The following CEP112 variants were observed in gnomAD, a reference collection of about 807,000 sequenced individuals.
CEP112 encodes the protein centrosomal protein 112.
A neutral mutation model predicts 153.0 loss-of-function variants in CEP112; 127 were observed. That is an observed-to-expected ratio of 0.83 (90% CI 0.72 to 0.96). The LOEUF (loss-of-function observed/expected upper bound fraction) is 0.96. Ranked by LOEUF, CEP112 falls within the 40% of genes least tolerant of loss-of-function variation. The pLI is 0.00. For synonymous variants in CEP112, 358 were observed against 374.4 expected, an observed-to-expected ratio of 0.96 and a Z score of 0.51; for missense variants, 1,089 against 1,101.2, an observed-to-expected ratio of 0.99 and a Z score of 0.16.
At chr17:66,024,602 G>A (rs2065124951) in intron 16 of CEP112, among the ~76,000 whole-genome samples, 1 of 151,688 alleles carries the variant, frequency 6.6e-6, no homozygotes, top group African/African-American at 2.4e-5. Flanking sequence ...TTTAACCAAG[G>A]AGGTAAAAGG....
chr17:65,877,807 T>G (rs543010638), intron 20 of CEP112, among the ~76,000 whole-genome samples: 1 of 152,306 alleles, frequency 6.6e-6, no homozygotes, highest in East Asian at 1.9e-4. Flanking sequence ...TTAGTAGGCA[T>G]GAAATTATGT....
chr17:65,851,808 T>G lies in CEP112; in HGVS notation c.2390A>C (p.Glu797Ala), dbSNP rs2057940920. 6.2e-7 allele frequency: 1 copy of G among 1,608,666 alleles called. No homozygotes were observed. The highest frequency in any genetic ancestry group is 8.5e-7 in the Non-Finnish European group (1 of 1,177,300). ...THAAETEMTL[E>A]KANSKLKQIE... ...AAAACTAGTTAAATATCTTACCTTTTCCAGTGTCATCTCTGTCTCAGCAGC... is the reference window on the plus strand; with the variant it reads ...AAAACTAGTTAAATATCTTACCTTTGCCAGTGTCATCTCTGTCTCAGCAGC... The change falls in exon 21 of 27, where the codon GAA (glutamate) becomes GCA (alanine). Residue 797 changes from glutamate (E) to alanine (A), a missense_variant. Glu to Ala is a moderately radical substitution (Grantham distance 107, BLOSUM62 -1). Transcript: ENST00000535342.
chr17:66,107,917 C>T (rs1299328892), intron 6 of CEP112, among the ~76,000 whole-genome samples: 1 of 151,984 alleles, frequency 6.6e-6, no homozygotes, highest in Non-Finnish European at 1.5e-5. Context: ...CTACAGTAAC[C>T]AAAACAGCAT....
At chr17:66,060,589 G>GA (rs1237413298) in intron 11 of CEP112, among the ~76,000 whole-genome samples, 14 of 151,628 alleles carry the variant, frequency 9.2e-5, no homozygotes, top group Middle Eastern at 3.2e-3. Flanking sequence ...GAAGCACCCA[G>GA]AAAAAAAATC....
intron 12 of CEP112, among the ~76,000 whole-genome samples, chr17:66,032,069 T>A (rs1287935520): frequency 6.6e-6 from 1 of 152,182 alleles, no homozygotes; most frequent in Non-Finnish European, 1.5e-5. Context: ...AGGCTGGATC[T>A]CGGCTCACTG....
chr17:65,975,889 T>C (rs1161557250), intron 17 of CEP112, among the ~76,000 whole-genome samples: 1 of 152,186 alleles, frequency 6.6e-6, no homozygotes, highest in East Asian at 1.9e-4. Context: ...AAAAAACCCA[T>C]ACCTATCGTA....
intron 17 of CEP112, among the ~76,000 whole-genome samples, chr17:66,000,783 A>G (rs1030373757): frequency 1.1e-4 from 16 of 152,188 alleles, no homozygotes; most frequent in African/African-American, 3.9e-4. Flanking sequence ...AAGCCTGAAC[A>G]TGTCATTGGT....
At chr17:65,645,603 T>G (rs1344460699) in intron 24 of CEP112, among the ~76,000 whole-genome samples, 1 of 152,216 alleles carries the variant, frequency 6.6e-6, no homozygotes, top group Non-Finnish European at 1.5e-5. Flanking sequence ...GTCTCTTCTT[T>G]TTTCTATTTC....
intron 9 of CEP112, 111 bp from the exon 10 acceptor site, chr17:66,066,988 A>G: frequency 1.6e-6 from 1 of 626,404 alleles, no homozygotes; most frequent in Non-Finnish European, 2.5e-6. Flanking sequence ...AGTGATTTTA[A>G]CAAATATGAC....
At chr17:66,011,018 G>C (rs531510768) in intron 16 of CEP112, among the ~76,000 whole-genome samples, 2 of 152,200 alleles carry the variant, frequency 1.3e-5, no homozygotes, top group Admixed American at 6.5e-5. Context: ...TTTTGGAACA[G>C]CTTCAGTAGG....
At chr17:65,754,278 A>G (rs554777535) in intron 21 of CEP112, among the ~76,000 whole-genome samples, 1 of 152,348 alleles carries the variant, frequency 6.6e-6, no homozygotes, top group Non-Finnish European at 1.5e-5. Context: ...GAACCCATGC[A>G]AAGGCCCTGA....
chr17:66,102,725 G>C (rs761658338), intron 6 of CEP112, among the ~76,000 whole-genome samples: 1 of 149,624 alleles, frequency 6.7e-6, no homozygotes, highest in Non-Finnish European at 1.5e-5. Flanking sequence ...ATGAACCTGG[G>C]AGGCAGAGCT....
chr17:65,950,131 C>A (rs1268185751), intron 18 of CEP112, among the ~76,000 whole-genome samples: 1 of 152,140 alleles, frequency 6.6e-6, no homozygotes, highest in Non-Finnish European at 1.5e-5. Context: ...AGCAGAAATG[C>A]ATGTCACTAC....
intron 20 of CEP112, among the ~76,000 whole-genome samples, chr17:65,896,410 A>C (rs1383985943): frequency 6.6e-6 from 1 of 152,018 alleles, no homozygotes; most frequent in South Asian, 2.1e-4. Flanking sequence ...GAACTTTAGA[A>C]TTATAATAGA....
At chr17:65,794,653 T>C (rs2054796033) in intron 21 of CEP112, among the ~76,000 whole-genome samples, 1 of 152,180 alleles carries the variant, frequency 6.6e-6, no homozygotes, top group Non-Finnish European at 1.5e-5. Flanking sequence ...ACTCCATCAT[T>C]TTCTCCTTCG....
At chr17:66,049,611 C>T (rs762039819) in intron 12 of CEP112, among the ~76,000 whole-genome samples, 24 of 152,002 alleles carry the variant, frequency 1.6e-4, no homozygotes, top group Non-Finnish European at 2.6e-4. Flanking sequence ...TCAGCTGGGC[C>T]ATGGTGGCAC....
intron 16 of CEP112, among the ~76,000 whole-genome samples, chr17:66,019,090 A>G (rs188047239): frequency 3.3e-4 from 51 of 152,324 alleles, no homozygotes; most frequent in African/African-American, 1.2e-3. Context: ...AGAGATCAAT[A>G]AAGACCATTA....
At chr17:66,174,889 T>C (rs1489410017) in intron 4 of CEP112, among the ~76,000 whole-genome samples, 155 bp downstream of exon 4, 1 of 151,894 alleles carries the variant, frequency 6.6e-6, no homozygotes, top group Non-Finnish European at 1.5e-5. Flanking sequence ...AGGTATCTAT[T>C]AAATGGCTAA....
intron 8 of CEP112, among the ~76,000 whole-genome samples, chr17:66,091,308 CA>C (rs1467166077): frequency 3.3e-5 from 5 of 152,052 alleles, no homozygotes; most frequent in Non-Finnish European, 4.4e-5. Flanking sequence ...AAGAAATCTT[CA>C]CAAATTTAAG....
Sources: gnomAD v4.1 joint callset for allele counts (sites outside exome capture counted in the v4.1 genomes callset) on GRCh38, gnomAD v4.1.1 for gene constraint, MANE v1.5 for transcripts, NCBI Gene and HGNC (gene_info 2026-07-23, HGNC 2026-07-21) for gene names.